Variants in DDC observed in about 807,000 individuals in gnomAD.
DDC encodes the protein dopa decarboxylase.
A neutral mutation model predicts 60.0 loss-of-function variants in DDC; 43 were observed. The ratio of observed to expected loss-of-function variants is 0.72; its 90% confidence interval spans 0.56 to 0.92. The LOEUF is 0.92. DDC is among the 40% of genes least tolerant of loss of function. The pLI, the probability that DDC is intolerant of heterozygous loss-of-function variation, is 0.00. For synonymous variants in DDC, 232 were observed against 234.6 expected, an observed-to-expected ratio of 0.99 and a Z score of 0.10; for missense variants, 573 against 620.2, an observed-to-expected ratio of 0.92 and a Z score of 0.81.
At chr7:50,557,611 G>T (rs907014374) in intron 1 of DDC, among the ~76,000 whole-genome samples, 4 of 152,146 alleles carry the variant, frequency 2.6e-5, no homozygotes, top group Non-Finnish European at 5.9e-5. Context: ...CTTATTAAGG[G>T]CTGCTGAGTG....
intron 4 of DDC, 38 bp downstream of exon 4, chr7:50,537,822 A>G: frequency 1.2e-6 from 2 of 1,613,914 alleles, no homozygotes; most frequent in Non-Finnish European, 1.7e-6. Flanking sequence ...TGCAGAGCCC[A>G]TGCATCCCAA....
intron 1 of DDC, among the ~76,000 whole-genome samples, chr7:50,552,958 C>A (rs1317574104): frequency 6.6e-6 from 1 of 152,200 alleles, no homozygotes; most frequent in Non-Finnish European, 1.5e-5. Flanking sequence ...CAGTCCCTGC[C>A]CAACATCTAG....
intron 1 of DDC, among the ~76,000 whole-genome samples, chr7:50,562,079 G>A (rs549648354): frequency 2.0e-5 from 3 of 152,292 alleles, no homozygotes; most frequent in Non-Finnish European, 4.4e-5. Flanking sequence ...CCCAAGGAGA[G>A]CCATCCATCC....
intron 4 of DDC, among the ~76,000 whole-genome samples, chr7:50,532,586 A>G (rs1187699565): frequency 3.3e-5 from 5 of 152,200 alleles, no homozygotes; most frequent in African/African-American, 9.7e-5. Flanking sequence ...CATGAAAAAG[A>G]TTGTCCATAA....
intron 1 of DDC, among the ~76,000 whole-genome samples, chr7:50,544,809 C>G (rs1407613028): frequency 6.6e-6 from 1 of 152,218 alleles, no homozygotes; most frequent in Non-Finnish European, 1.5e-5. Context: ...ACCATTTCTT[C>G]TAGGGGAAAT....
At chr7:50,537,175 A>C (rs1218726604) in intron 4 of DDC, among the ~76,000 whole-genome samples, 1 of 152,022 alleles carries the variant, frequency 6.6e-6, no homozygotes, top group East Asian at 1.9e-4. Flanking sequence ...ACACACAGTC[A>C]CTCTCAATAG....
rs1318658194 is a variant in DDC at position 50,458,522 on chromosome 7, T to C, written c.*340A>G. ...ACCACAGATATAATTTCAAGTTGCG[T>C]GAACATTGATTGCCCTGGAAAATAT... On this transcript the variant is annotated 3_prime_UTR_variant, in exon 15 of 15. Transcript: ENST00000444124. The C allele has an allele frequency of 6.6e-6, 1 of 152,222 alleles. No homozygotes were observed. The highest frequency in any genetic ancestry group is 1.5e-5 in the Non-Finnish European group (1 of 68,036). The allele number at this position is 152,222 out of a possible 1,614,324, so 9.4% of individuals were successfully genotyped here. A position where few individuals can be genotyped will look rare whatever the true frequency, so the allele number is the denominator to read the frequency against.
rs566193001 is a variant in DDC at position 50,556,937 on chromosome 7, CT to C, written c.-29+8347del. ...TAGCTCTGCGGCAAGAGGCATGCAG[CT>C]GCTGGCTGACGTCTTGGAGTCTCTG... On this transcript the variant is annotated intron_variant, in intron 1 of 14. Coordinates refer to ENST00000444124, the MANE Select transcript of DDC (RefSeq NM_001082971.2). Among the ~76,000 whole-genome samples the C allele has an allele frequency of 5.1e-3, 779 of 152,340 alleles. 5 individuals are homozygous for C. The highest frequency in any genetic ancestry group is 0.018 in the African/African-American group (738 of 41,576).
chr7:50,518,358 A>G (rs112911326), intron 6 of DDC, among the ~76,000 whole-genome samples: 28,976 of 152,146 alleles, frequency 0.19, 3,117 homozygotes, highest in South Asian at 0.26. Context: ...AAATACCACC[A>G]TCATTCTTCA....
chr7:50,540,248 C>G (rs1192513719), intron 2 of DDC: 2 of 537,536 alleles, frequency 3.7e-6, no homozygotes, highest in Middle Eastern at 5.0e-4. Context: ...AAACCAGCTC[C>G]CTTTTTGACA....
chr7:50,516,581 A>G (rs1278545967), intron 6 of DDC, among the ~76,000 whole-genome samples: 1 of 151,876 alleles, frequency 6.6e-6, no homozygotes, highest in Non-Finnish European at 1.5e-5. Flanking sequence ...CCAAGATCAG[A>G]GCAGAACTAA....
chr7:50,484,603 A>T (rs954742728), intron 9 of DDC, among the ~76,000 whole-genome samples: 1 of 152,234 alleles, frequency 6.6e-6, no homozygotes, highest in African/African-American at 2.4e-5. Flanking sequence ...TATTATAAAG[A>T]GAAAGAATTT....
chr7:50,524,247 T>C (rs2043978752), intron 6 of DDC, among the ~76,000 whole-genome samples: 1 of 152,204 alleles, frequency 6.6e-6, no homozygotes, highest in Non-Finnish European at 1.5e-5. Context: ...TAGATACTTG[T>C]CATTATACAC....
chr7:50,488,267 C>T (rs2042927604), intron 9 of DDC, among the ~76,000 whole-genome samples: 1 of 151,104 alleles, frequency 6.6e-6, no homozygotes, highest in Non-Finnish European at 1.5e-5. Context: ...TGGGTCATTT[C>T]CAATTTAAAA....
intron 1 of DDC, among the ~76,000 whole-genome samples, chr7:50,556,124 G>A (rs1403231268): frequency 6.6e-6 from 1 of 152,190 alleles, no homozygotes; most frequent in Non-Finnish European, 1.5e-5. Context: ...AAAGAGAAAG[G>A]GTTTGGGCAG....
At chr7:50,479,278 G>C (rs1438537666) in intron 10 of DDC, among the ~76,000 whole-genome samples, 2 of 152,198 alleles carry the variant, frequency 1.3e-5, no homozygotes, top group Non-Finnish European at 2.9e-5. Context: ...CAGGCACAGA[G>C]AGCAGGCCTA....
At chr7:50,499,304 T>A in intron 7 of DDC, 62 bp from the exon 8 acceptor site, 2 of 1,179,310 alleles carry the variant, frequency 1.7e-6, no homozygotes, top group South Asian at 2.5e-5. Flanking sequence ...GCCTGCCAGC[T>A]GACCTCGCCC....
At chr7:50,492,340 A>T (rs2043014558) in intron 9 of DDC, among the ~76,000 whole-genome samples, 1 of 152,206 alleles carries the variant, frequency 6.6e-6, no homozygotes, top group African/African-American at 2.4e-5. Context: ...CATTCATGCC[A>T]TTTTTATAGT....
chr7:50,560,264 C>T (rs931673535), intron 1 of DDC, among the ~76,000 whole-genome samples: 2 of 152,134 alleles, frequency 1.3e-5, no homozygotes, highest in African/African-American at 4.8e-5. Context: ...CAAGGAGCCT[C>T]GCCCTTGGAG....
Sources: gnomAD v4.1 joint callset for allele counts (sites outside exome capture counted in the v4.1 genomes callset) on GRCh38, gnomAD v4.1.1 for gene constraint, MANE v1.5 for transcripts, NCBI Gene and HGNC (gene_info 2026-07-23, HGNC 2026-07-21) for gene names.